ARSB: variants seen among roughly 807,000 people sequenced by gnomAD.
The protein encoded by ARSB is N-acetylgalactosamine-4-sulfatase.
In ARSB, 41 loss-of-function variants were observed where a neutral mutation model predicts 50.9. The observed-to-expected ratio is 0.81, with a 90% CI of 0.63 to 1.04. ARSB has a LOEUF of 1.04. Among genes scored for constraint, ARSB ranks in the 50% least tolerant of loss-of-function variants. The pLI is 0.00. For synonymous variants in ARSB, 269 were observed against 284.8 expected (o/e 0.94, Z 0.56); for missense variants, 672 against 693.3 (o/e 0.97, Z 0.35).
At chr5:78,867,427 C>G (rs1258526169) in intron 5 of ARSB, among the ~76,000 whole-genome samples, 1 of 152,190 alleles carries the variant, frequency 6.6e-6, no homozygotes, top group African/African-American at 2.4e-5. Context: ...TGTCTGACAG[C>G]CTTGAAGAGA....
intron 4 of ARSB, among the ~76,000 whole-genome samples, chr5:78,888,982 A>G (rs1430101081): frequency 6.6e-6 from 1 of 152,252 alleles, no homozygotes; most frequent in Admixed American, 6.5e-5. Context: ...CATAGCGCCA[A>G]CTGCAGATGT....
chr5:78,976,599 C>T (rs769264326), intron 1 of ARSB, among the ~76,000 whole-genome samples: 13 of 152,136 alleles, frequency 8.5e-5, no homozygotes, highest in African/African-American at 2.7e-4. Context: ...TGAGCCACTG[C>T]GCCCAGCCAA....
At chr5:78,961,186 C>T (rs1437129157) in intron 3 of ARSB, among the ~76,000 whole-genome samples, 1 of 152,090 alleles carries the variant, frequency 6.6e-6, no homozygotes, top group African/African-American at 2.4e-5. Context: ...ATATATAGTA[C>T]CTGAGAAATT....
chr5:78,780,810 CT>C (rs1186612917), intron 7 of ARSB, 148 bp from the exon 8 acceptor site: 2 of 966,952 alleles, frequency 2.1e-6, no homozygotes, highest in Non-Finnish European at 3.1e-6. Flanking sequence ...CTAGATGCTT[CT>C]CAGACTTGAC....
intron 6 of ARSB, among the ~76,000 whole-genome samples, chr5:78,804,733 C>T (rs1041031482): frequency 6.6e-6 from 1 of 152,100 alleles, no homozygotes; most frequent in Non-Finnish European, 1.5e-5. Context: ...CCTTTCTGTC[C>T]CCAGTATGGT....
chr5:78,864,572 T>C (rs1475475355), intron 5 of ARSB, among the ~76,000 whole-genome samples: 1 of 152,040 alleles, frequency 6.6e-6, no homozygotes, highest in Non-Finnish European at 1.5e-5. Flanking sequence ...CCCTGGCCCC[T>C]CCCAAATCTC....
intron 6 of ARSB, among the ~76,000 whole-genome samples, chr5:78,787,871 G>A (rs778922867): frequency 2.6e-5 from 4 of 152,264 alleles, no homozygotes; most frequent in South Asian, 2.1e-4. Flanking sequence ...AGCACCACCC[G>A]CAATGCAGTG....
intron 4 of ARSB, among the ~76,000 whole-genome samples, chr5:78,914,715 C>T (rs575262100): frequency 4.6e-5 from 7 of 152,268 alleles, no homozygotes; most frequent in African/African-American, 1.7e-4. Flanking sequence ...CTCGCTCTGT[C>T]ACTCAGGCTG....
intron 6 of ARSB, among the ~76,000 whole-genome samples, chr5:78,806,285 GT>G (rs1443002126): frequency 6.6e-6 from 1 of 152,184 alleles, no homozygotes; most frequent in African/African-American, 2.4e-5. Flanking sequence ...TGTAACAACT[GT>G]ATACCTGAAG....
chr5:78,885,372 T>C, intron 5 of ARSB: 1 of 711,968 alleles, frequency 1.4e-6, no homozygotes, highest in Non-Finnish European at 2.1e-6. Flanking sequence ...GACAATCTTG[T>C]TCTTCACGTA....
At chr5:78,874,732 TAAC>T (rs1329175458) in intron 5 of ARSB, among the ~76,000 whole-genome samples, 1 of 152,170 alleles carries the variant, frequency 6.6e-6, no homozygotes, top group Non-Finnish European at 1.5e-5. Flanking sequence ...ACACTATACT[TAAC>T]AACTACAGAA....
intron 4 of ARSB, among the ~76,000 whole-genome samples, chr5:78,889,868 A>G (rs1194998469): frequency 2.0e-5 from 3 of 152,144 alleles, no homozygotes; most frequent in Non-Finnish European, 4.4e-5. Context: ...ATCCCTGTGC[A>G]TGCTTCAGCT....
chr5:78,895,945 G>C (rs1748540908), intron 4 of ARSB, among the ~76,000 whole-genome samples: 1 of 152,200 alleles, frequency 6.6e-6, no homozygotes, highest in Non-Finnish European at 1.5e-5. Context: ...TAGTGTAGAA[G>C]AAATAATGGA....
At position 78,955,514 on chromosome 5, in the gene ARSB, G is replaced by T; in HGVS notation, c.691-12C>A. 1 of 1,611,706 alleles carries T rather than the reference G, an allele frequency of 6.2e-7. No individual in the cohort carries two copies. Among genetic ancestry groups the T allele is most frequent in the Non-Finnish European group, 8.5e-7 (1 of 1,177,950 alleles). ...TAGAGAAACAGAGGCTGGAAAGAAA[G>T]TTTGTGCAAACCAGTTAAGAGGATA... On this transcript the variant is annotated splice_polypyrimidine_tract_variant and intron_variant, in intron 3 of 7. Coordinates refer to ENST00000264914, the MANE Select transcript of ARSB (RefSeq NM_000046.5).
At chr5:78,872,837 A>T (rs949733760) in intron 5 of ARSB, among the ~76,000 whole-genome samples, 37 of 150,686 alleles carry the variant, frequency 2.5e-4, no homozygotes, top group African/African-American at 9.0e-4. Flanking sequence ...AAAAAAAGAA[A>T]GGGGCTACAT....
chr5:78,973,729 C>G (rs921287887), intron 1 of ARSB, among the ~76,000 whole-genome samples: 1 of 152,244 alleles, frequency 6.6e-6, no homozygotes, highest in Middle Eastern at 3.4e-3. Flanking sequence ...CAAACTCTCC[C>G]AAGAGCGAAG....
chr5:78,969,805 G>C (rs1429733237), intron 1 of ARSB, among the ~76,000 whole-genome samples: 1 of 152,186 alleles, frequency 6.6e-6, no homozygotes, highest in Non-Finnish European at 1.5e-5. Context: ...TTTTAGTAGA[G>C]ACGGGGTTTC....
At chr5:78,839,840 A>G (rs1008088723) in intron 5 of ARSB, among the ~76,000 whole-genome samples, 1 of 152,202 alleles carries the variant, frequency 6.6e-6, no homozygotes, top group African/African-American at 2.4e-5. Context: ...CAGATGCAAC[A>G]TGCCTCTTAA....
intron 6 of ARSB, among the ~76,000 whole-genome samples, chr5:78,833,048 G>A (rs1181724132): frequency 6.6e-6 from 1 of 152,170 alleles, no homozygotes; most frequent in Non-Finnish European, 1.5e-5. Context: ...TGCAGGATAG[G>A]TGTATATGTT....
Sources: allele counts gnomAD v4.1 joint callset (sites outside exome capture counted in the v4.1 genomes callset), GRCh38; gene constraint gnomAD v4.1.1; transcripts MANE v1.5; gene names NCBI Gene and HGNC (gene_info 2026-07-23, HGNC 2026-07-21).